Variants in AUTS2 observed in about 807,000 individuals in gnomAD.
The protein encoded by AUTS2 is autism susceptibility gene 2 protein.
Under a neutral mutation model 112.4 loss-of-function variants are expected in AUTS2, and 17 were observed. That is an observed-to-expected ratio of 0.15 (90% CI 0.10 to 0.23). The LOEUF (loss-of-function observed/expected upper bound fraction) is 0.23, where lower values mean the gene tolerates loss of function less well. Among genes scored for constraint, AUTS2 ranks in the 10% least tolerant of loss-of-function variants. The pLI, the probability that AUTS2 is intolerant of heterozygous loss-of-function variation, is 1.00. For missense variants in AUTS2, 1,510 were observed against 1,701.6 expected (o/e 0.89, Z 1.98); for synonymous variants, 751 against 702.7 (o/e 1.07, Z -1.09).
At chr7:70,720,202 ATT>A (rs59046864) in intron 6 of AUTS2, among the ~76,000 whole-genome samples, 2,822 of 148,726 alleles carry the variant, frequency 0.019, 46 homozygotes, top group East Asian at 0.063. Flanking sequence ...GTTTTCTTGT[ATT>A]TTTTTTTTTA....
intron 2 of AUTS2, among the ~76,000 whole-genome samples, chr7:69,915,385 A>G (rs1249458964): frequency 6.6e-6 from 1 of 152,200 alleles, no homozygotes; most frequent in Non-Finnish European, 1.5e-5. Context: ...GGCTTAAATA[A>G]GGTTCGCACA....
At chr7:69,819,583 G>A (rs1025481668) in intron 1 of AUTS2, among the ~76,000 whole-genome samples, 1 of 152,222 alleles carries the variant, frequency 6.6e-6, no homozygotes, top group Non-Finnish European at 1.5e-5. Flanking sequence ...TTCATGTTGT[G>A]CACAGTGGAT....
intron 2 of AUTS2, among the ~76,000 whole-genome samples, chr7:69,908,556 C>T (rs1261882165): frequency 2.0e-5 from 3 of 152,124 alleles, no homozygotes; most frequent in Non-Finnish European, 4.4e-5. Flanking sequence ...TCTCAGGAGG[C>T]CTGATGAGCT....
intron 2 of AUTS2, among the ~76,000 whole-genome samples, chr7:70,073,768 G>C (rs1389311901): frequency 2.0e-5 from 3 of 152,100 alleles, no homozygotes; most frequent in Non-Finnish European, 4.4e-5. Flanking sequence ...GCCCTCCTTT[G>C]CTTCCTTCCT....
chr7:69,787,823 C>T (rs1030150354), intron 1 of AUTS2, among the ~76,000 whole-genome samples: 13 of 151,520 alleles, frequency 8.6e-5, no homozygotes, highest in African/African-American at 2.9e-4. Flanking sequence ...GATCCGCCCA[C>T]CTTGGCCTCC....
In AUTS2 at chr7:69,714,247, ATATGTGTGTGTGTG is replaced by A. The variant is rs1313489378; in HGVS notation, c.309+114287_309+114300del. On this transcript the variant is annotated intron_variant, in intron 1 of 18. Transcript: ENST00000342771. ...CCCAGCTAATTGTGCATGTGTGTGT[ATATGTGTGTGTGTG>A]TGTGTGTGTGTGTGTGTGTGTGTGT... Among the ~76,000 whole-genome samples, 184 of 42,348 alleles carry A rather than the reference ATATGTGTGTGTGTG, an allele frequency of 4.3e-3. 1 individual carries two copies. The highest frequency in any genetic ancestry group is 6.6e-3 in the African/African-American group (108 of 16,392). 27.8% of individuals were successfully genotyped at this position (42,348 alleles called of 152,430 possible).
rs961261034 is a variant in AUTS2 at position 69,852,359 on chromosome 7, AT to A, written c.310-46917del. Among the ~76,000 whole-genome samples the A allele has an allele frequency of 3.6e-4, 53 of 149,206 alleles. No homozygotes were observed. The East Asian group carries it at 5.5e-3, about 15-fold the overall frequency. ...TTGTGTTTATAAGAGGTAGTATGTGATTTTTTTTTTCTTTGCTGGTATTTTT... is the reference window on the plus strand; with the variant it reads ...TTGTGTTTATAAGAGGTAGTATGTGATTTTTTTTTCTTTGCTGGTATTTTT... On this transcript the variant is annotated intron_variant, in intron 1 of 18. Transcript: ENST00000342771.
chr7:70,188,897 T>A (rs1809743196), intron 4 of AUTS2, among the ~76,000 whole-genome samples: 1 of 152,038 alleles, frequency 6.6e-6, no homozygotes, highest in Admixed American at 6.6e-5. Context: ...GCATCTTTTT[T>A]TCTTTATTAA....
chr7:70,166,578 T>C (rs1808394233), intron 4 of AUTS2, among the ~76,000 whole-genome samples: 2 of 152,126 alleles, frequency 1.3e-5, no homozygotes, highest in Non-Finnish European at 2.9e-5. Flanking sequence ...GTTAAGAACG[T>C]ATATTGTGAA....
At chr7:69,881,190 A>C (rs1794026453) in intron 1 of AUTS2, among the ~76,000 whole-genome samples, 1 of 152,214 alleles carries the variant, frequency 6.6e-6, no homozygotes, top group African/African-American at 2.4e-5. Context: ...TACATTCATT[A>C]ATCTACTAGT....
At chr7:69,858,231 C>T (rs1792821992) in intron 1 of AUTS2, among the ~76,000 whole-genome samples, 1 of 152,190 alleles carries the variant, frequency 6.6e-6, no homozygotes, top group African/African-American at 2.4e-5. Flanking sequence ...TTTGTATGTT[C>T]AAAGTAGCAT....
chr7:69,995,682 G>T (rs140995917), intron 2 of AUTS2, among the ~76,000 whole-genome samples: 2 of 152,248 alleles, frequency 1.3e-5, no homozygotes, highest in Non-Finnish European at 2.9e-5. Flanking sequence ...CAGAATTGCC[G>T]CTGCTGGCCT....
At chr7:70,029,260 C>CTTT (rs34751901) in intron 2 of AUTS2, among the ~76,000 whole-genome samples, 2 of 124,806 alleles carry the variant, frequency 1.6e-5, no homozygotes, top group African/African-American at 3.0e-5. Context: ...TCCAGGGATA[C>CTTT]TTTTTTTTTT....
intron 2 of AUTS2, among the ~76,000 whole-genome samples, chr7:69,976,757 A>G (rs959759847): frequency 1.3e-5 from 2 of 152,156 alleles, no homozygotes; most frequent in African/African-American, 4.8e-5. Context: ...AGAAATTTCT[A>G]TTCAAACTTT....
intron 1 of AUTS2, among the ~76,000 whole-genome samples, chr7:69,843,238 T>C (rs1792058271): frequency 6.6e-6 from 1 of 151,974 alleles, no homozygotes; most frequent in Non-Finnish European, 1.5e-5. Context: ...ATCTCATAGA[T>C]GAATTAAAGA....
intron 1 of AUTS2, among the ~76,000 whole-genome samples, chr7:69,785,832 G>T (rs1250836029): frequency 6.6e-6 from 1 of 152,018 alleles, no homozygotes; most frequent in African/African-American, 2.4e-5. Flanking sequence ...TGGTTTTTTT[G>T]TTGTTGTTTG....
intron 4 of AUTS2, among the ~76,000 whole-genome samples, chr7:70,231,919 A>G (rs12698877): frequency 0.34 from 51,439 of 151,602 alleles, 9,409 homozygotes; most frequent in African/African-American, 0.48. Flanking sequence ...GAGTACAAGC[A>G]TGTGCCACCA....
chr7:70,581,367 GAA>G (rs1225378765), intron 5 of AUTS2, among the ~76,000 whole-genome samples: 2 of 152,100 alleles, frequency 1.3e-5, no homozygotes, highest in Non-Finnish European at 2.9e-5. Flanking sequence ...GCCTGGGCAA[GAA>G]GAGCGAAACT....
At chr7:70,109,337 AT>A (rs1804947919) in intron 2 of AUTS2, among the ~76,000 whole-genome samples, 1 of 152,154 alleles carries the variant, frequency 6.6e-6, no homozygotes, top group Non-Finnish European at 1.5e-5. Context: ...TATTTTTTAC[AT>A]TGTGTATGTG....
Sources: gnomAD v4.1 joint callset for allele counts (sites outside exome capture counted in the v4.1 genomes callset) on GRCh38, gnomAD v4.1.1 for gene constraint, MANE v1.5 for transcripts, NCBI Gene and HGNC (gene_info 2026-07-23, HGNC 2026-07-21) for gene names.